The following WWOX variants were observed in gnomAD, a reference collection of about 807,000 sequenced individuals.
WWOX encodes the protein WW domain-containing oxidoreductase.
WWOX carries 69 observed loss-of-function variants against 46.2 expected under a neutral mutation model. The observed-to-expected ratio is 1.49, with a 90% confidence interval of 1.23 to 1.82. The LOEUF is 1.82. Among genes scored for constraint, WWOX ranks in the 40% most tolerant of loss-of-function variants. The pLI is 0.00. For missense variants in WWOX, 919 were observed against 542.6 expected, an observed-to-expected ratio of 1.69 and a Z score of -6.89; for synonymous variants, 359 against 202.6, an observed-to-expected ratio of 1.77 and a Z score of -6.56.
chr16:78,596,324 ACAG>A (rs1567669132), intron 8 of WWOX, among the ~76,000 whole-genome samples: 1 of 152,132 alleles, frequency 6.6e-6, no homozygotes, highest in African/African-American at 2.4e-5. Flanking sequence ...GCCTGGGTCT[ACAG>A]CAGTTTGCTG....
intron 5 of WWOX, among the ~76,000 whole-genome samples, chr16:78,314,688 G>GGTTTTTTTTTTTTTTTTTTTTT (rs1555517825): frequency 2.2e-5 from 2 of 90,510 alleles, no homozygotes; most frequent in African/African-American, 9.8e-5. Flanking sequence ...CCCTGCAGGG[G>GGTTTTTTTTTTTTTTTTTTTTT]TTTTTTTTTT....
intron 5 of WWOX, among the ~76,000 whole-genome samples, chr16:78,346,598 A>C (rs1351521366): frequency 8.3e-6 from 1 of 120,756 alleles, no homozygotes; most frequent in East Asian, 1.9e-4. Flanking sequence ...GTTTGGGTAC[A>C]TAGTGGTATT....
At chr16:79,024,753 A>G (rs184117932) in intron 8 of WWOX, among the ~76,000 whole-genome samples, 27 of 152,176 alleles carry the variant, frequency 1.8e-4, no homozygotes, top group Admixed American at 3.9e-4. Flanking sequence ...TAAATTTTTC[A>G]TGGAGACAGG....
intron 8 of WWOX, among the ~76,000 whole-genome samples, chr16:78,641,939 C>G (rs966461938): frequency 2.0e-5 from 3 of 151,772 alleles, no homozygotes; most frequent in African/African-American, 7.3e-5. Flanking sequence ...ATCGCAGACA[C>G]GGAAAAAAGG....
chr16:78,980,121 C>G (rs1320899835), intron 8 of WWOX, among the ~76,000 whole-genome samples: 1 of 152,218 alleles, frequency 6.6e-6, no homozygotes, highest in African/African-American at 2.4e-5. Flanking sequence ...GAGCGAGACT[C>G]CATCTCAAAT....
chr16:78,925,424 C>T (rs2045476143), intron 8 of WWOX, among the ~76,000 whole-genome samples: 1 of 152,132 alleles, frequency 6.6e-6, no homozygotes, highest in Admixed American at 6.5e-5. Flanking sequence ...CCACGAAGTT[C>T]CATGGAATAA....
intron 8 of WWOX, among the ~76,000 whole-genome samples, chr16:79,193,824 C>T (rs1015731836): frequency 6.6e-6 from 1 of 152,092 alleles, no homozygotes; most frequent in Admixed American, 6.6e-5. Flanking sequence ...AGTAGACAGA[C>T]AAGATTGTGG....
chr16:78,871,640 C>T (rs938774831), intron 8 of WWOX, among the ~76,000 whole-genome samples: 2 of 152,208 alleles, frequency 1.3e-5, no homozygotes, highest in Admixed American at 6.5e-5. Flanking sequence ...TACCAGGTTG[C>T]TCAGGCTGGA....
chr16:78,265,418 C>T (rs1007155899), intron 5 of WWOX, among the ~76,000 whole-genome samples: 15 of 152,096 alleles, frequency 9.9e-5, no homozygotes, highest in South Asian at 4.2e-4. Context: ...TGGTGGCACA[C>T]GCCTGTAATC....
At chr16:79,108,391 G>A (rs1439704242) in intron 8 of WWOX, among the ~76,000 whole-genome samples, 2 of 152,194 alleles carry the variant, frequency 1.3e-5, no homozygotes, top group African/African-American at 4.8e-5. Context: ...TTTTTCTGGT[G>A]TCTACCTGAC....
At chr16:79,150,834 A>T (rs2050264597) in intron 8 of WWOX, among the ~76,000 whole-genome samples, 1 of 152,168 alleles carries the variant, frequency 6.6e-6, no homozygotes, top group Non-Finnish European at 1.5e-5. Context: ...AAATGGTGGC[A>T]ATGAAATCAT....
chr16:78,530,362 G>A (rs2043593098), intron 8 of WWOX, among the ~76,000 whole-genome samples: 1 of 152,168 alleles, frequency 6.6e-6, no homozygotes, highest in Non-Finnish European at 1.5e-5. Flanking sequence ...TTTAAGGATG[G>A]CAGATGTGGG....
intron 5 of WWOX, chr16:78,179,655 T>G (rs940752927): frequency 2.6e-5 from 4 of 152,210 alleles, no homozygotes; most frequent in Admixed American, 1.3e-4. Flanking sequence ...TTAATTCAGT[T>G]CATCTTTATG....
At chr16:78,335,618 A>C (rs1323520533) in intron 5 of WWOX, among the ~76,000 whole-genome samples, 4 of 152,148 alleles carry the variant, frequency 2.6e-5, no homozygotes, top group Non-Finnish European at 5.9e-5. Context: ...AAGGAATAGA[A>C]ATGATTGTAT....
chr16:78,460,553 C>G (rs60783744), intron 8 of WWOX, among the ~76,000 whole-genome samples: 6,492 of 152,268 alleles, frequency 0.043, 462 homozygotes, highest in African/African-American at 0.15. Context: ...ACCATACTAG[C>G]TCTTCCACAG....
At chr16:78,794,631 G>A (rs1278679753) in intron 8 of WWOX, among the ~76,000 whole-genome samples, 1 of 152,174 alleles carries the variant, frequency 6.6e-6, no homozygotes, top group South Asian at 2.1e-4. Context: ...CAGCACAATG[G>A]CTGACACATA....
intron 8 of WWOX, among the ~76,000 whole-genome samples, chr16:78,843,374 G>A (rs2052212011): frequency 6.7e-6 from 1 of 150,060 alleles, no homozygotes; most frequent in African/African-American, 2.4e-5. Context: ...CGATTATTGT[G>A]GTGCCTGTTT....
At chr16:79,166,011 C>T (rs8051054) in intron 8 of WWOX, among the ~76,000 whole-genome samples, 84,672 of 152,036 alleles carry the variant, frequency 0.56, 24,658 homozygotes, top group East Asian at 0.87. Flanking sequence ...ATGTCATTTT[C>T]ATAACTATCT....
At chr16:79,002,612 C>T (rs977819360) in intron 8 of WWOX, among the ~76,000 whole-genome samples, 1 of 152,194 alleles carries the variant, frequency 6.6e-6, no homozygotes, top group Non-Finnish European at 1.5e-5. Context: ...TTATTTTGAG[C>T]TCTGACTTTG....
Sources: gnomAD v4.1 joint callset for allele counts (sites outside exome capture counted in the v4.1 genomes callset) on GRCh38, gnomAD v4.1.1 for gene constraint, MANE v1.5 for transcripts, NCBI Gene and HGNC (gene_info 2026-07-23, HGNC 2026-07-21) for gene names.